The following CCBE1 variants were observed in gnomAD, a reference collection of about 807,000 sequenced individuals.
The protein encoded by CCBE1 is collagen and calcium-binding EGF domain-containing protein 1.
A neutral mutation model predicts 50.0 loss-of-function variants in CCBE1; 37 were observed. The observed-to-expected ratio is 0.74, with a 90% CI of 0.57 to 0.97. The LOEUF is 0.97. Among genes scored for constraint, CCBE1 ranks in the 50% least tolerant of loss-of-function variants. The probability of loss-of-function intolerance (pLI) is 0.00; values close to 1 mark genes in which losing one functional copy is unlikely to be tolerated. For synonymous variants in CCBE1, 234 were observed against 203.7 expected (o/e 1.15, Z -1.27); for missense variants, 538 against 523.8 (o/e 1.03, Z -0.26).
intron 2 of CCBE1, among the ~76,000 whole-genome samples, chr18:59,680,018 C>T (rs1461336195): frequency 6.6e-6 from 1 of 151,464 alleles, no homozygotes; most frequent in East Asian, 2.0e-4. Flanking sequence ...GAGGTCAGGA[C>T]GAGACCAACT....
chr18:59,475,619 C>G (rs900324359), intron 3 of CCBE1, among the ~76,000 whole-genome samples: 8 of 152,196 alleles, frequency 5.3e-5, no homozygotes, highest in East Asian at 3.8e-4. Flanking sequence ...CTTCAAGAAG[C>G]CTTCCTTGAC....
chr18:59,456,440 C>A (rs920942627), intron 5 of CCBE1, among the ~76,000 whole-genome samples: 1 of 152,080 alleles, frequency 6.6e-6, no homozygotes, highest in Non-Finnish European at 1.5e-5. Flanking sequence ...GGGAAACTTG[C>A]GCACAGGAAG....
intron 2 of CCBE1, among the ~76,000 whole-genome samples, chr18:59,645,596 T>C (rs939492809): frequency 1.3e-5 from 2 of 152,188 alleles, no homozygotes; most frequent in African/African-American, 4.8e-5. Context: ...AAATGGAATA[T>C]CTGCCATCTC....
chr18:59,556,662 T>A (rs1441989909), intron 2 of CCBE1, among the ~76,000 whole-genome samples: 1 of 152,146 alleles, frequency 6.6e-6, no homozygotes, highest in African/African-American at 2.4e-5. Context: ...ATTAGTAGGA[T>A]AAAATCAGTT....
At chr18:59,561,493 G>T (rs114070866) in intron 2 of CCBE1, among the ~76,000 whole-genome samples, 3,892 of 152,296 alleles carry the variant, frequency 0.026, 146 homozygotes, top group African/African-American at 0.079. Context: ...GAGTGCAGGC[G>T]TGTAACTCCA....
intron 2 of CCBE1, among the ~76,000 whole-genome samples, chr18:59,628,245 T>C (rs572608628): frequency 4.6e-5 from 7 of 152,118 alleles, no homozygotes; most frequent in Non-Finnish European, 7.4e-5. Context: ...CAGACTTCCA[T>C]CTTTTTGGAT....
intron 2 of CCBE1, among the ~76,000 whole-genome samples, chr18:59,604,921 A>C (rs1238430770): frequency 6.6e-6 from 1 of 152,254 alleles, no homozygotes; most frequent in African/African-American, 2.4e-5. Context: ...TGCCCATCTT[A>C]TCCAGTGATC....
At chr18:59,531,192 T>C (rs1915034207) in intron 2 of CCBE1, among the ~76,000 whole-genome samples, 1 of 152,072 alleles carries the variant, frequency 6.6e-6, no homozygotes, top group African/African-American at 2.4e-5. Flanking sequence ...TTGTTGGCCA[T>C]GCGATTACCA....
At chr18:59,519,437 A>G (rs1007918436) in intron 2 of CCBE1, among the ~76,000 whole-genome samples, 1 of 152,224 alleles carries the variant, frequency 6.6e-6, no homozygotes, top group Non-Finnish European at 1.5e-5. Context: ...GTTACAACTA[A>G]TGGAAATTCT....
At chr18:59,583,322 C>T (rs571186882) in intron 2 of CCBE1, among the ~76,000 whole-genome samples, 76 of 152,240 alleles carry the variant, frequency 5.0e-4, no homozygotes, top group East Asian at 4.8e-3. Flanking sequence ...ACTGAAGATA[C>T]AAAATTAGAG....
At chr18:59,449,810 G>T (rs984142841) in intron 6 of CCBE1, among the ~76,000 whole-genome samples, 11 of 152,054 alleles carry the variant, frequency 7.2e-5, no homozygotes. Context: ...GCACACAGAT[G>T]GGCTCCAGAG....
intron 2 of CCBE1, among the ~76,000 whole-genome samples, chr18:59,656,555 G>A (rs1390353108): frequency 1.3e-5 from 2 of 152,196 alleles, no homozygotes; most frequent in Non-Finnish European, 2.9e-5. Context: ...ATTTAAGGAC[G>A]CCACTCTGAG....
chr18:59,678,023 C>G (rs73961293), intron 2 of CCBE1, among the ~76,000 whole-genome samples: 5 of 152,134 alleles, frequency 3.3e-5, no homozygotes, highest in African/African-American at 1.2e-4. Context: ...CTATCCCAAA[C>G]GGCAACACAA....
chr18:59,548,254 T>C lies in CCBE1; in HGVS notation c.213-68016A>G, dbSNP rs117337934. On this transcript the variant is annotated intron_variant, in intron 2 of 10. Coordinates refer to ENST00000439986, the MANE Select transcript of CCBE1 (RefSeq NM_133459.4). ...TGGTCTTTCCTTTAAAAGAAAGATA[T>C]CTTTGTTAGGAGAGCAGGTGGGAAC... Among the ~76,000 whole-genome samples, 725 of 152,326 alleles carry C rather than the reference T, an allele frequency of 4.8e-3. 3 individuals carry two copies. Among genetic ancestry groups the C allele is most frequent in the Non-Finnish European group, 7.7e-3 (525 of 68,034 alleles).
rs1599148273 is a variant in CCBE1 at position 59,697,384 on chromosome 18, G to C, written c.-42C>G. On this transcript the variant is annotated 5_prime_UTR_variant, in exon 1 of 11. Transcript: ENST00000439986. ...TTCTTCCCAGCGCCGAGCTCCGTCC[G>C]GACCAAGCGTCCTGCTCCTCCGCGG... The C allele has an allele frequency of 3.3e-6, 5 of 1,534,834 alleles. No individual in the cohort carries two copies. The highest frequency in any genetic ancestry group is 2.3e-4 in the Middle Eastern group (1 of 4,380).
chr18:59,683,703 A>G (rs1308276049), intron 2 of CCBE1, among the ~76,000 whole-genome samples: 2 of 148,760 alleles, frequency 1.3e-5, no homozygotes, highest in Non-Finnish European at 2.9e-5. Flanking sequence ...ATCTCAAAAA[A>G]AGAGAGGAAA....
chr18:59,569,736 GCCATCCTCCCA>G (rs2052882946), intron 2 of CCBE1, among the ~76,000 whole-genome samples: 1 of 152,044 alleles, frequency 6.6e-6, no homozygotes, highest in Non-Finnish European at 1.5e-5. Context: ...CCAGGCTCAA[GCCATCCTCCCA>G]CCTCAGTCTC....
At chr18:59,696,770 G>A in intron 1 of CCBE1, 61 bp from the exon 2 acceptor site, 3 of 1,559,172 alleles carry the variant, frequency 1.9e-6, no homozygotes, top group Non-Finnish European at 2.6e-6. Context: ...CGGGCAGCGC[G>A]CGCTGGGGAA....
intron 7 of CCBE1, among the ~76,000 whole-genome samples, chr18:59,443,661 G>GT (rs1307673400): frequency 3.9e-5 from 6 of 151,968 alleles, no homozygotes; most frequent in Admixed American, 3.9e-4. Context: ...TAGAGATGGG[G>GT]TTTCACCATG....
Sources: gnomAD v4.1 joint callset for allele counts (sites outside exome capture counted in the v4.1 genomes callset) on GRCh38, gnomAD v4.1.1 for gene constraint, MANE v1.5 for transcripts, NCBI Gene and HGNC (gene_info 2026-07-23, HGNC 2026-07-21) for gene names.